Variants in PARD3 observed in about 807,000 individuals in gnomAD.
The protein encoded by PARD3 is partitioning defective 3 homolog.
Under a neutral mutation model 155.4 loss-of-function variants are expected in PARD3, and 75 were observed. The ratio of observed to expected loss-of-function variants is 0.48; its 90% confidence interval spans 0.40 to 0.58. PARD3 has a LOEUF of 0.58. Ranked by LOEUF, PARD3 falls within the 20% of genes least tolerant of loss-of-function variation. The pLI is 0.00. For synonymous variants in PARD3, 576 were observed against 610.5 expected (o/e 0.94, Z 0.83); for missense variants, 1,642 against 1,721.7 (o/e 0.95, Z 0.82).
At chr10:34,352,714 G>T (rs937763787) in intron 14 of PARD3, among the ~76,000 whole-genome samples, 2 of 152,202 alleles carry the variant, frequency 1.3e-5, no homozygotes, top group Non-Finnish European at 2.9e-5. Context: ...CCTCGCAGCC[G>T]CCTGCCTTGG....
chr10:34,576,474 A>G (rs2086896152), intron 2 of PARD3, among the ~76,000 whole-genome samples: 1 of 152,198 alleles, frequency 6.6e-6, no homozygotes, highest in African/African-American at 2.4e-5. Flanking sequence ...TTAAGGCAAG[A>G]AATTTTTGAA....
chr10:34,639,223 C>G (rs1006525270), intron 2 of PARD3, among the ~76,000 whole-genome samples: 1 of 151,992 alleles, frequency 6.6e-6, no homozygotes, highest in African/African-American at 2.4e-5. Flanking sequence ...TGGTGAAACC[C>G]CATCTCTACT....
At chr10:34,353,728 A>AAAAT (rs1043098677) in intron 14 of PARD3, among the ~76,000 whole-genome samples, 20 of 105,968 alleles carry the variant, frequency 1.9e-4, no homozygotes, top group East Asian at 1.4e-3. Context: ...AATAAATAAA[A>AAAAT]AAATAAATAA....
At chr10:34,320,882 G>A (rs1016356052) in intron 19 of PARD3, among the ~76,000 whole-genome samples, 6 of 152,138 alleles carry the variant, frequency 3.9e-5, no homozygotes, top group Non-Finnish European at 7.4e-5. Flanking sequence ...TTCTGGGGGT[G>A]TACTGATTTA....
chr10:34,723,399 A>C (rs2094640886), intron 1 of PARD3, among the ~76,000 whole-genome samples: 1 of 152,232 alleles, frequency 6.6e-6, no homozygotes, highest in South Asian at 2.1e-4. Context: ...ATGATGGCTG[A>C]AACAGCCAGA....
At chr10:34,437,446 T>C (rs1589571925) in intron 5 of PARD3, among the ~76,000 whole-genome samples, 2 of 152,222 alleles carry the variant, frequency 1.3e-5, no homozygotes, top group East Asian at 1.9e-4. Flanking sequence ...CTGAGGAAAA[T>C]ACTCCCCAAA....
intron 24 of PARD3, among the ~76,000 whole-genome samples, chr10:34,114,222 A>C (rs1946547342): frequency 6.6e-6 from 1 of 152,052 alleles, no homozygotes; most frequent in Admixed American, 6.6e-5. Flanking sequence ...TGATTGCACC[A>C]CTGCACTGCA....
At chr10:34,223,617 T>C (rs934976200) in intron 22 of PARD3, among the ~76,000 whole-genome samples, 1 of 152,108 alleles carries the variant, frequency 6.6e-6, no homozygotes, top group African/African-American at 2.4e-5. Flanking sequence ...TAAAAAACAA[T>C]CAAGAGATAC....
intron 22 of PARD3, among the ~76,000 whole-genome samples, chr10:34,264,045 G>A (rs1209144104): frequency 6.6e-6 from 1 of 152,092 alleles, no homozygotes; most frequent in Non-Finnish European, 1.5e-5. Flanking sequence ...AGATGGTCCC[G>A]GACTTGCTAT....
chr10:34,306,947 C>T (rs1000465305), intron 20 of PARD3, among the ~76,000 whole-genome samples: 7 of 151,850 alleles, frequency 4.6e-5, no homozygotes, highest in South Asian at 2.1e-4. Flanking sequence ...AGTGCAGTGA[C>T]GCCATCTTGG....
At position 34,438,712 on chromosome 10, in the gene PARD3, TA is replaced by T. The variant is rs760787743; in HGVS notation, c.714+11604del. On this transcript the variant is annotated intron_variant, in intron 5 of 24. Coordinates refer to ENST00000374788, the MANE Select transcript of PARD3 (RefSeq NM_001184785.2). ...TAGGACAGCAAAACAGACAGAAAGATAAAAAATAAAAAAGAAACAAAAGACA... is the reference window on the plus strand; with the variant it reads ...TAGGACAGCAAAACAGACAGAAAGATAAAAATAAAAAAGAAACAAAAGACA... Among the ~76,000 whole-genome samples the T allele has an allele frequency of 1.4e-4, 22 of 151,730 alleles. No homozygotes were observed. In the East Asian group the frequency reaches 3.9e-3, roughly 27 times the overall value.
At chr10:34,523,022 A>G (rs2082248675) in intron 2 of PARD3, among the ~76,000 whole-genome samples, 1 of 152,244 alleles carries the variant, frequency 6.6e-6, no homozygotes, top group Admixed American at 6.5e-5. Flanking sequence ...ATCAAACGTA[A>G]TAACCTGCCT....
intron 2 of PARD3, among the ~76,000 whole-genome samples, chr10:34,575,524 C>T (rs56875297): frequency 0.016 from 2,446 of 152,236 alleles, 68 homozygotes; most frequent in African/African-American, 0.056. Context: ...TAATAAGAAA[C>T]CCCAGGCCTG....
At chr10:34,687,807 C>A (rs1480395365) in intron 2 of PARD3, among the ~76,000 whole-genome samples, 1 of 150,606 alleles carries the variant, frequency 6.6e-6, no homozygotes, top group African/African-American at 2.4e-5. Context: ...TTCCCCGCCA[C>A]CTACTGACTC....
At chr10:34,301,114 A>G (rs1957126611) in intron 20 of PARD3, among the ~76,000 whole-genome samples, 1 of 152,214 alleles carries the variant, frequency 6.6e-6, no homozygotes, top group Non-Finnish European at 1.5e-5. Flanking sequence ...AGTGCCACGA[A>G]AAAAGCTCTG....
chr10:34,335,520 A>C (rs1211467844), intron 18 of PARD3, among the ~76,000 whole-genome samples: 1 of 152,040 alleles, frequency 6.6e-6, no homozygotes, highest in Non-Finnish European at 1.5e-5. Flanking sequence ...ATAACATAAA[A>C]AGCAAAATCG....
At chr10:34,516,914 A>G in intron 3 of PARD3, 65 bp downstream of exon 3, 7 of 1,458,314 alleles carry the variant, frequency 4.8e-6, no homozygotes, top group Admixed American at 3.5e-5. Context: ...TCATGGATGA[A>G]TAACAAAAGT....
At chr10:34,465,679 C>T (rs1328753913) in intron 4 of PARD3, among the ~76,000 whole-genome samples, 2 of 152,112 alleles carry the variant, frequency 1.3e-5, no homozygotes, top group Non-Finnish European at 2.9e-5. Flanking sequence ...GAAACTTGTC[C>T]GGACCTGGTT....
chr10:34,499,135 T>C (rs962962200), intron 3 of PARD3, among the ~76,000 whole-genome samples: 2 of 152,176 alleles, frequency 1.3e-5, no homozygotes, highest in African/African-American at 2.4e-5. Flanking sequence ...TTTCTCTAAG[T>C]ACATGTTCTT....
Sources: allele counts gnomAD v4.1 joint callset (sites outside exome capture counted in the v4.1 genomes callset), GRCh38; gene constraint gnomAD v4.1.1; transcripts MANE v1.5; gene names NCBI Gene and HGNC (gene_info 2026-07-23, HGNC 2026-07-21).